Variants in AMPD3 observed in about 807,000 individuals in gnomAD.
AMPD3 encodes the protein AMP deaminase 3.
Under a neutral mutation model 82.3 loss-of-function variants are expected in AMPD3, and 57 were observed. That is an observed-to-expected ratio of 0.69 (90% CI 0.56 to 0.86). AMPD3 has a LOEUF of 0.86. AMPD3 is among the 40% of genes least tolerant of loss of function. AMPD3 has a pLI of 0.00. For synonymous variants in AMPD3, 381 were observed against 394.7 expected (o/e 0.97, Z 0.41); for missense variants, 870 against 1,003.8 (o/e 0.87, Z 1.80).
chr11:10,450,411 A>G (rs1847931489), upstream of AMPD3: 4 of 985,592 alleles, frequency 4.1e-6, no homozygotes, highest in South Asian at 9.4e-5. Flanking sequence ...GAAGAAACCA[A>G]TGCTTGCGGG....
At chr11:10,473,478 G>A (rs1323747874) in intron 2 of AMPD3, 1 of 985,102 alleles carries the variant, frequency 1.0e-6, no homozygotes, top group Non-Finnish European at 1.2e-6. Flanking sequence ...AAGGGAGGAT[G>A]GAGAAAGAAG....
In AMPD3 at chr11:10,461,677, A is replaced by T. The variant is rs1269941805; in HGVS notation, c.158A>T (p.Glu53Val). Residue 53 changes from glutamate (E) to valine (V), a missense_variant, in exon 2 of 15, where the codon GAA becomes GTA. Physicochemically the swap from Glu to Val is moderately radical, Grantham distance 121 (BLOSUM62 -2). Transcript: ENST00000396553. ...GAGGACTGCCCCATCGGGCAAAAGG[A>T]AGCCAAGGAGAGGGAGCTGCAGAAG... is the stretch of plus-strand genomic sequence containing the variant. Reference protein sequence around the residue: ...VPEDCPIGQKEAKERELQKEL... With the variant: ...VPEDCPIGQKVAKERELQKEL... 6.2e-7 allele frequency: 1 copy of T among 1,614,230 alleles called. No homozygotes were observed. The highest frequency in any genetic ancestry group is 8.5e-7 in the Non-Finnish European group (1 of 1,180,026).
intron 6 of AMPD3, among the ~76,000 whole-genome samples, chr11:10,489,500 A>G (rs1033139511): frequency 3.3e-5 from 5 of 152,154 alleles, no homozygotes; most frequent in Non-Finnish European, 7.4e-5. Context: ...ATCAGAGCCT[A>G]TCCCCAGGGT....
chr11:10,494,518 C>T, intron 7 of AMPD3: 3 of 865,430 alleles, frequency 3.5e-6, no homozygotes, highest in Non-Finnish European at 4.2e-6. Flanking sequence ...ACAAAAAAAA[C>T]TTTTGTTAAA....
In AMPD3 at chr11:10,473,602, G is replaced by A. The variant is rs906755506; in HGVS notation, c.222-4924G>A. The A allele has an allele frequency of 5.1e-6, 5 of 985,212 alleles. No homozygotes were observed. In the Admixed American group the frequency reaches 2.5e-4, roughly 48 times the overall value. 61.0% of individuals were successfully genotyped at this position (985,212 alleles called of 1,614,324 possible). A position where few individuals can be genotyped will look rare whatever the true frequency, so the allele number is the denominator to read the frequency against. On this transcript the variant is annotated intron_variant, in intron 2 of 14. Transcript: ENST00000396553. ...GTTACACCCACCTGGCCAGGATGCT[G>A]GTCATCTGGCTGCATATGCGGAGTG...
At chr11:10,470,550 G>T (rs988922622) in intron 2 of AMPD3, among the ~76,000 whole-genome samples, 1 of 152,178 alleles carries the variant, frequency 6.6e-6, no homozygotes, top group Non-Finnish European at 1.5e-5. Context: ...TGACATGATT[G>T]TATATTTAGA....
intron 1 of AMPD3, among the ~76,000 whole-genome samples, chr11:10,459,652 T>C (rs1848200263): frequency 6.6e-6 from 1 of 152,158 alleles, no homozygotes; most frequent in South Asian, 2.1e-4. Context: ...GAAACTCCTC[T>C]TCCAGAGCTG....
Position 10,456,215 on chromosome 11 carries a change from T to C in AMPD3, c.-6+767T>C. On this transcript the variant is annotated intron_variant, in intron 1 of 14. Coordinates refer to ENST00000396553, the MANE Select transcript of AMPD3 (RefSeq NM_001025389.2). This position sits in a 1 kb window ranked among gnomAD's most constrained non-coding sequence, Gnocchi z 4.3. ...ACGAGAGAATTTCCAGCCCAGGCTT[T>C]TCCTGCTCTGGCTCACTGCTGCTCA... The C allele has an allele frequency of 6.9e-7, 1 of 1,456,522 alleles. No individual in the cohort carries two copies. The highest frequency in any genetic ancestry group is 9.0e-7 in the Non-Finnish European group (1 of 1,105,752). The allele number at this position is 1,456,522 out of a possible 1,614,324, so 90.2% of individuals were successfully genotyped here.
At chr11:10,489,186 G>T (rs890007765) in intron 6 of AMPD3, among the ~76,000 whole-genome samples, 1 of 152,176 alleles carries the variant, frequency 6.6e-6, no homozygotes, top group African/African-American at 2.4e-5. Context: ...CAGACAGGTG[G>T]ATGCCTCCAT....
rs1045436309 is a variant in AMPD3 at position 10,455,352 on chromosome 11, G to A, written c.-102G>A. On this transcript the variant is annotated 5_prime_UTR_variant, in exon 1 of 15. It adds an upstream start codon to the 5' untranslated region. Coordinates refer to ENST00000396553, the MANE Select transcript of AMPD3 (RefSeq NM_001025389.2). Reference sequence around the variant, plus strand: ...TGCTTGGTTTTAGAGGATTGCTCCTGTGGGTCACTTGAGGCAGGCTCCACC... The same window carrying A: ...TGCTTGGTTTTAGAGGATTGCTCCTATGGGTCACTTGAGGCAGGCTCCACC... The A allele has an allele frequency of 5.0e-5, 49 of 985,292 alleles. No homozygotes were observed. Among genetic ancestry groups the A allele is most frequent in the Non-Finnish European group, 5.8e-5 (48 of 829,974 alleles). 61.0% of individuals were successfully genotyped at this position (985,292 alleles called of 1,614,324 possible). A position where few individuals can be genotyped will look rare whatever the true frequency, so the allele number is the denominator to read the frequency against.
intron 5 of AMPD3, chr11:10,486,739 T>A: frequency 1.0e-6 from 1 of 985,414 alleles, no homozygotes; most frequent in Non-Finnish European, 1.2e-6. Context: ...TTGACTGTGT[T>A]ATCAATCCTC....
At position 10,487,543 on chromosome 11, in the gene AMPD3, T is replaced by C. The variant is rs555385715; in HGVS notation, c.939+179T>C. On this transcript the variant is annotated intron_variant, in intron 6 of 14. Coordinates refer to ENST00000396553, the MANE Select transcript of AMPD3 (RefSeq NM_001025389.2). ...GCAGAAGGAAGATGGGTGAGCTGCATTTGTGTCAGGCTGGGCCTCAGACAG... is the reference window on the plus strand; with the variant it reads ...GCAGAAGGAAGATGGGTGAGCTGCACTTGTGTCAGGCTGGGCCTCAGACAG... Among the ~76,000 whole-genome samples, 14 of 152,310 alleles carry C rather than the reference T, an allele frequency of 9.2e-5. No individual in the cohort carries two copies. In the South Asian group the frequency reaches 2.1e-3, roughly 23 times the overall value.
Position 10,496,916 on chromosome 11 carries a change from A to G in AMPD3, c.1535A>G (p.Glu512Gly). Residue 512 changes from glutamate (E) to glycine (G), a missense_variant, in exon 10 of 15, where the codon GAG becomes GGG. Glu to Gly is a moderately conservative substitution (Grantham distance 98, BLOSUM62 -2). Transcript: ENST00000396553. ...ACTATCAACCCCCAAGATCATCGAGAGCTTCACCTCTTCCTTAAATATGTA... is the reference window on the plus strand; with the variant it reads ...ACTATCAACCCCCAAGATCATCGAGGGCTTCACCTCTTCCTTAAATATGTA... ...KATINPQDHR[E>G]LHLFLKYVTG... 1 of 1,614,002 alleles carries G rather than the reference A, an allele frequency of 6.2e-7. No individual in the cohort carries two copies.
chr11:10,462,395 A>G (rs1409717926), intron 2 of AMPD3, among the ~76,000 whole-genome samples: 1 of 152,138 alleles, frequency 6.6e-6, no homozygotes, highest in Non-Finnish European at 1.5e-5. Context: ...AGTGACAAGG[A>G]AAGCAGTAGT....
chr11:10,470,005 A>G (rs1371330150), intron 2 of AMPD3, among the ~76,000 whole-genome samples: 1 of 148,164 alleles, frequency 6.7e-6, no homozygotes, highest in Non-Finnish European at 1.5e-5. Context: ...CCGCCACTGC[A>G]CTCCAGCCTG....
At chr11:10,451,097 C>A (rs1185777187), upstream of AMPD3, 6 of 1,545,762 alleles carry the variant, frequency 3.9e-6, no homozygotes, top group Non-Finnish European at 5.2e-6. Flanking sequence ...GCGGACCCTG[C>A]GGCCCAGGCG....
chr11:10,482,217 G>T lies in AMPD3; in HGVS notation c.581G>T (p.Gly194Val). ...PRADTAPPEEGLPDFHPPPLP... is the reference protein window; with the variant it reads ...PRADTAPPEEVLPDFHPPPLP... ...GCGGATACTGCACCTCCGGAAGAGGGCCTTCCAGGTATGGAGCTCTGGCTG... is the reference window on the plus strand; with the variant it reads ...GCGGATACTGCACCTCCGGAAGAGGTCCTTCCAGGTATGGAGCTCTGGCTG... The change falls in exon 4 of 15, where the codon GGC (glycine) becomes GTC (valine). Residue 194 changes from glycine (G) to valine (V), a missense_variant. By Grantham distance (109) the Gly-to-Val change is moderately radical. Transcript: ENST00000396553. 1 of 1,611,878 alleles carries T rather than the reference G, an allele frequency of 6.2e-7. No homozygotes were observed. Among genetic ancestry groups the T allele is most frequent in the Non-Finnish European group, 8.5e-7 (1 of 1,179,354 alleles).
intron 10 of AMPD3, chr11:10,497,877 A>C: frequency 1.0e-6 from 1 of 976,610 alleles, no homozygotes; most frequent in Non-Finnish European, 1.2e-6. Flanking sequence ...CCCCGTTACT[A>C]TCACCATTTT....
chr11:10,498,824 A>G (rs75324607), intron 10 of AMPD3, among the ~76,000 whole-genome samples: 4,084 of 152,342 alleles, frequency 0.027, 81 homozygotes, highest in Non-Finnish European at 0.043. Flanking sequence ...GCCCCTTTGC[A>G]AAGCACTGCC....
Sources: allele counts gnomAD v4.1 joint callset (sites outside exome capture counted in the v4.1 genomes callset), GRCh38; gene constraint gnomAD v4.1.1; non-coding constraint Gnocchi (gnomAD v3.1); transcripts MANE v1.5; gene names NCBI Gene and HGNC (gene_info 2026-07-23, HGNC 2026-07-21).